Variants in BDP1 observed in about 807,000 individuals in gnomAD.
BDP1 encodes the protein BDP1 general transcription factor IIIB subunit, also known as transcription factor TFIIIB component B'' homolog.
A neutral mutation model predicts 266.6 loss-of-function variants in BDP1; 169 were observed. The ratio of observed to expected loss-of-function variants is 0.63; its 90% CI spans 0.56 to 0.72. The LOEUF (loss-of-function observed/expected upper bound fraction) is 0.72, where lower values mean the gene tolerates loss of function less well. Among genes scored for constraint, BDP1 ranks in the 30% least tolerant of loss-of-function variants. The probability of loss-of-function intolerance (pLI) is 0.00; values close to 1 mark genes in which losing one functional copy is unlikely to be tolerated. For missense variants in BDP1, 3,015 were observed against 3,053.8 expected (o/e 0.99, Z 0.30); for synonymous variants, 1,090 against 1,022.4 (o/e 1.07, Z -1.26).
At chr5:71,544,985 T>G (rs1742172365) in intron 31 of BDP1, 54 bp from the exon 32 acceptor site, 4 of 1,507,492 alleles carry the variant, frequency 2.7e-6, no homozygotes, top group Non-Finnish European at 3.6e-6. Flanking sequence ...GCTCTAAAAA[T>G]AATTCCATGA....
intron 32 of BDP1, 122 bp downstream of exon 32, chr5:71,545,341 T>C (rs1216948020): frequency 7.3e-6 from 5 of 687,096 alleles, no homozygotes; most frequent in Non-Finnish European, 1.1e-5. Flanking sequence ...TTATTTCTTC[T>C]TTTTTTTTTG....
At chr5:71,536,757 G>C (rs989604802) in intron 26 of BDP1, among the ~76,000 whole-genome samples, 2 of 152,166 alleles carry the variant, frequency 1.3e-5, no homozygotes, top group Admixed American at 1.3e-4. Context: ...CTGGGCCCAG[G>C]AGGTTGAGGT....
intron 6 of BDP1, among the ~76,000 whole-genome samples, chr5:71,469,480 A>G (rs1300472292): frequency 6.6e-6 from 1 of 152,108 alleles, no homozygotes; most frequent in Non-Finnish European, 1.5e-5. Context: ...TATACTACTT[A>G]GCACATCTTA....
chr5:71,576,278 G>C, the BDP1 span, among the ~76,000 whole-genome samples: 1 of 152,132 alleles, frequency 6.6e-6, no homozygotes, highest in Non-Finnish European at 1.5e-5. Flanking sequence ...TGATTAAGGA[G>C]CATGGGCTCC....
At chr5:71,557,029 T>A in intron 36 of BDP1, 104 bp downstream of exon 36, 1 of 564,278 alleles carries the variant, frequency 1.8e-6, no homozygotes, top group Non-Finnish European at 2.9e-6. Context: ...ATTCCTTTTC[T>A]CCAAGAGTAA....
chr5:71,494,514 G>GTAGT (rs1763769896), intron 11 of BDP1: 2 of 152,174 alleles, frequency 1.3e-5, no homozygotes, highest in Admixed American at 1.3e-4. Context: ...TTTTAATATA[G>GTAGT]TAGTTCTCAC....
chr5:71,514,980 A>T lies in BDP1; in HGVS notation c.4507A>T (p.Thr1503Ser). 6.2e-7 allele frequency: 1 copy of T among 1,609,466 alleles called. No homozygotes were observed. Among genetic ancestry groups the T allele is most frequent in the African/African-American group, 1.3e-5 (1 of 74,744 alleles). ...CCTAATGATATCAAGAGAAAAAGACACATTAGGTCACAGGAATGAGGAGGC... is the reference window on the plus strand; with the variant it reads ...CCTAATGATATCAAGAGAAAAAGACTCATTAGGTCACAGGAATGAGGAGGC... ...ASLMISREKDTLGHRNEEAVI... is the reference protein window; with the variant it reads ...ASLMISREKDSLGHRNEEAVI... Residue 1503 changes from threonine (T) to serine (S), a missense_variant, in exon 20 of 39, where the codon ACA becomes TCA. Around this residue, in one of 3 missense-constraint regions of BDP1, gnomAD observed 2,383 missense variants for 2,404.9 expected, o/e 0.99. Coordinates refer to ENST00000358731, the MANE Select transcript of BDP1 (RefSeq NM_018429.3).
At position 71,481,961 on chromosome 5, in the gene BDP1, G is replaced by A. The variant is rs568783590; in HGVS notation, c.1015-1881G>A. Reference sequence around the variant, plus strand: ...TAGAGAAAGGCTACTCTAGGGTATCGTTTTTATCTCTAATGGTGATCTTTC... The same window carrying A: ...TAGAGAAAGGCTACTCTAGGGTATCATTTTTATCTCTAATGGTGATCTTTC... On this transcript the variant is annotated intron_variant, in intron 7 of 38. Transcript: ENST00000358731. Among the ~76,000 whole-genome samples, 147 of 152,190 alleles carry A rather than the reference G, an allele frequency of 9.7e-4. 2 individuals are homozygous for A. The highest frequency in any genetic ancestry group is 2.9e-3 in the African/African-American group (120 of 41,530).
In BDP1 at chr5:71,473,721, C is replaced by T. The variant is rs1762414395; in HGVS notation, c.1014+3232C>T. Among the ~76,000 whole-genome samples the T allele has an allele frequency of 3.3e-5, 5 of 152,034 alleles. No homozygotes were observed. The South Asian group carries it at 1.0e-3, about 32-fold the overall frequency. ...TACTTTAAGTTTTAGGGTACATGTG[C>T]ACAACGTGCAGATTTGTTACATATA... On this transcript the variant is annotated intron_variant, in intron 7 of 38. Transcript: ENST00000358731.
chr5:71,552,227 G>A (rs1362279006), intron 34 of BDP1, among the ~76,000 whole-genome samples: 1 of 150,552 alleles, frequency 6.6e-6, no homozygotes, highest in Non-Finnish European at 1.5e-5. Flanking sequence ...AGACGGGGCG[G>A]CGGGGCAGAG....
chr5:71,504,935 A>G (rs1451349115), intron 16 of BDP1, among the ~76,000 whole-genome samples, 184 bp downstream of exon 16: 2 of 152,228 alleles, frequency 1.3e-5, no homozygotes, highest in Non-Finnish European at 1.5e-5. Context: ...TGAATTTCTC[A>G]GATGGTTTGA....
At chr5:71,523,737 G>A (rs902130347) in intron 24 of BDP1, among the ~76,000 whole-genome samples, 1 of 152,158 alleles carries the variant, frequency 6.6e-6, no homozygotes, top group African/African-American at 2.4e-5. Flanking sequence ...AAATTTGTAG[G>A]TAGATAACTA....
At chr5:71,466,913 G>A (rs1761942512) in intron 5 of BDP1, among the ~76,000 whole-genome samples, 1 of 152,084 alleles carries the variant, frequency 6.6e-6, no homozygotes, top group Non-Finnish European at 1.5e-5. Flanking sequence ...TTTTCCATTA[G>A]TTTGTGATGA....
At chr5:71,576,508 C>T in the BDP1 span, among the ~76,000 whole-genome samples, 1 of 152,268 alleles carries the variant, frequency 6.6e-6, no homozygotes, top group Middle Eastern at 3.4e-3. Flanking sequence ...TGCTAACCAA[C>T]CATTCCTGGC....
At chr5:71,571,860 G>A (rs1250419785), downstream of BDP1, among the ~76,000 whole-genome samples, 1 of 152,104 alleles carries the variant, frequency 6.6e-6, no homozygotes, top group Admixed American at 6.6e-5. Context: ...GACCTCAGCA[G>A]GTCCACCTGC....
At position 71,467,466 on chromosome 5, in the gene BDP1, T is replaced by C; in HGVS notation, c.898T>C (p.Ser300Pro). 1.9e-6 allele frequency: 3 copies of C among 1,604,612 alleles called. No individual in the cohort carries two copies. The highest frequency in any genetic ancestry group is 2.6e-6 in the Non-Finnish European group (3 of 1,173,854). Residue 300 changes from serine (S) to proline (P), a missense_variant, in exon 6 of 39, where the codon TCT (serine) becomes CCT (proline). Physicochemically the swap from Ser to Pro is moderately conservative, Grantham distance 74. Coordinates refer to ENST00000358731, the MANE Select transcript of BDP1 (RefSeq NM_018429.3). ...TYSSFRKNYY[S>P]KPWSNKETDM... ...CTCCAGCTTTAGGAAAAACTATTAC[T>C]CTAAACCATGGTCAAATAAAGGTAA...
chr5:71,534,449 GT>G (rs1188892138), intron 26 of BDP1, among the ~76,000 whole-genome samples: 5 of 152,070 alleles, frequency 3.3e-5, no homozygotes, highest in Non-Finnish European at 5.9e-5. Flanking sequence ...CTATATGTCT[GT>G]TCTCATGCTG....
At chr5:71,482,158 T>G (rs1763005511) in intron 7 of BDP1, among the ~76,000 whole-genome samples, 1 of 152,226 alleles carries the variant, frequency 6.6e-6, no homozygotes, top group South Asian at 2.1e-4. Flanking sequence ...AACCCATACT[T>G]AGGCCAAGGT....
chr5:71,538,154 C>T (rs747052649), intron 26 of BDP1, among the ~76,000 whole-genome samples: 13 of 152,044 alleles, frequency 8.6e-5, no homozygotes, highest in Non-Finnish European at 1.8e-4. Context: ...CCTTGCTTCC[C>T]CAGGATAAAT....
Sources: gnomAD v4.1 joint callset for allele counts (sites outside exome capture counted in the v4.1 genomes callset) on GRCh38, gnomAD v4.1.1 for gene constraint, gnomAD v4.1.1 regional missense constraint, MANE v1.5 for transcripts, NCBI Gene and HGNC (gene_info 2026-07-23, HGNC 2026-07-21) for gene names.